The following PCDHA9 variants were observed in gnomAD, a reference collection of about 807,000 sequenced individuals.
PCDHA9 encodes the protein protocadherin alpha 9.
A neutral mutation model predicts 62.0 loss-of-function variants in PCDHA9; 62 were observed. The observed-to-expected ratio is 1.00, with a 90% CI of 0.81 to 1.23. The LOEUF (loss-of-function observed/expected upper bound fraction) is 1.23, where lower values mean the gene tolerates loss of function less well. Among genes scored for constraint, PCDHA9 ranks in the 50% most tolerant of loss-of-function variants. The pLI is 0.00. For synonymous variants in PCDHA9, 557 were observed against 567.6 expected (o/e 0.98, Z 0.27); for missense variants, 1,205 against 1,249.8 (o/e 0.96, Z 0.54).
At chr5:140,924,811 C>A (rs1209918868) in intron 1 of PCDHA9, among the ~76,000 whole-genome samples, 6 of 151,654 alleles carry the variant, frequency 4.0e-5, no homozygotes, top group Admixed American at 3.3e-4. Context: ...AAGAGAATCG[C>A]TTGAACCTGG....
chr5:140,998,275 A>G (rs1554256218), intron 3 of PCDHA9, among the ~76,000 whole-genome samples: 1 of 152,198 alleles, frequency 6.6e-6, no homozygotes, highest in African/African-American at 2.4e-5. Context: ...TGACACCCAT[A>G]GGATTAAATC....
At chr5:140,988,634 T>G (rs1405160822) in intron 3 of PCDHA9, among the ~76,000 whole-genome samples, 1 of 152,218 alleles carries the variant, frequency 6.6e-6, no homozygotes, top group Non-Finnish European at 1.5e-5. Flanking sequence ...GTCCTGGTTT[T>G]CTGAAATTAA....
At chr5:140,858,550 C>G (rs1554151768) in intron 1 of PCDHA9, 1 of 1,392,416 alleles carries the variant, frequency 7.2e-7, no homozygotes, top group Non-Finnish European at 9.9e-7. Context: ...TCCATTTATG[C>G]TTGAATATTT....
intron 1 of PCDHA9, chr5:140,860,419 T>G (rs1239021926): frequency 6.6e-6 from 1 of 152,112 alleles, no homozygotes; most frequent in African/African-American, 2.4e-5. Context: ...AACACCATTA[T>G]CCTGCAAATA....
At chr5:140,962,494 A>T (rs1016662619) in intron 1 of PCDHA9, among the ~76,000 whole-genome samples, 4 of 152,130 alleles carry the variant, frequency 2.6e-5, no homozygotes, top group Admixed American at 2.6e-4. Context: ...CAATTTTCAG[A>T]CACCTCAGCC....
At chr5:140,875,568 C>G in intron 1 of PCDHA9, 2 of 1,614,114 alleles carry the variant, frequency 1.2e-6, no homozygotes, top group Non-Finnish European at 1.7e-6. Context: ...GCCAGCTCCA[C>G]TACTCCGTCT....
intron 1 of PCDHA9, among the ~76,000 whole-genome samples, chr5:140,924,889 T>C (rs1554202242): frequency 8.9e-6 from 1 of 112,122 alleles, no homozygotes; most frequent in Non-Finnish European, 1.8e-5. Flanking sequence ...AGCAAGAACC[T>C]GTCTCAAAAA....
At chr5:141,003,609 G>A (rs2098131688) in intron 3 of PCDHA9, among the ~76,000 whole-genome samples, 1 of 151,970 alleles carries the variant, frequency 6.6e-6, no homozygotes, top group Non-Finnish European at 1.5e-5. Context: ...CACCATTCCC[G>A]GCCCCAGAGG....
intron 1 of PCDHA9, among the ~76,000 whole-genome samples, chr5:140,976,550 C>CATAA (rs782672542): frequency 1.5e-4 from 23 of 152,064 alleles, no homozygotes; most frequent in African/African-American, 4.6e-4. Flanking sequence ...GACCCTATCT[C>CATAA]ATAAATAAAT....
intron 1 of PCDHA9, chr5:140,871,565 G>A: frequency 3.4e-6 from 5 of 1,483,114 alleles, no homozygotes; most frequent in South Asian, 1.4e-5. Context: ...TTTTTTTCAC[G>A]GATTTTTTAA....
chr5:140,884,395 C>A, intron 1 of PCDHA9: 1 of 1,614,000 alleles, frequency 6.2e-7, no homozygotes, highest in Non-Finnish European at 8.5e-7. Flanking sequence ...CGGTGTCCAG[C>A]CTGTTGGTGC....
intron 1 of PCDHA9, chr5:140,869,239 G>A: frequency 6.2e-7 from 1 of 1,613,652 alleles, no homozygotes; most frequent in Non-Finnish European, 8.5e-7. Context: ...CACCTTCGTG[G>A]GCCGCATCGC....
intron 1 of PCDHA9, chr5:140,856,875 T>C (rs782182859): frequency 1.3e-6 from 2 of 1,595,778 alleles, no homozygotes; most frequent in Non-Finnish European, 1.7e-6. Flanking sequence ...AACAAGGAAA[T>C]GATGTATTCA....
At chr5:140,915,503 G>T (rs1420993234) in intron 1 of PCDHA9, among the ~76,000 whole-genome samples, 1 of 152,062 alleles carries the variant, frequency 6.6e-6, no homozygotes, top group Non-Finnish European at 1.5e-5. Flanking sequence ...TAATACTGTG[G>T]TTTTTGCAGA....
At chr5:140,873,477 G>T (rs1351179000) in intron 1 of PCDHA9, among the ~76,000 whole-genome samples, 1 of 151,984 alleles carries the variant, frequency 6.6e-6, no homozygotes, top group Non-Finnish European at 1.5e-5. Flanking sequence ...AAATTACTTG[G>T]ACTGATTTCT....
rs1554145013 is a variant in PCDHA9, at chr5:140,850,894, G to A, written c.2394+5G>A. The A allele has an allele frequency of 6.3e-7, 1 of 1,575,006 alleles. No individual in the cohort carries two copies. Among genetic ancestry groups the A allele is most frequent in the African/African-American group, 1.4e-5 (1 of 73,586 alleles). On this transcript the variant is annotated splice_donor_5th_base_variant and intron_variant, in intron 1 of 3. Coordinates refer to ENST00000532602, the MANE Select transcript of PCDHA9 (RefSeq NM_031857.2). ...TCCTCAGATTCAACTGGGAAGGTGG[G>A]TTTTTCTAGCATTTTATTTATTTAT...
intron 1 of PCDHA9, chr5:140,926,897 T>C: frequency 1.3e-6 from 2 of 1,548,696 alleles, no homozygotes; most frequent in Non-Finnish European, 1.7e-6. Context: ...GGGAGGATGG[T>C]GGGCTGTGGG....
At position 141,009,794 on chromosome 5, in the gene PCDHA9, A is replaced by G. The variant is rs1314860754; in HGVS notation, c.2710A>G (p.Thr904Ala). 1.2e-6 allele frequency: 2 copies of G among 1,614,042 alleles called. No homozygotes were observed. Among genetic ancestry groups the G allele is most frequent in the South Asian group, 1.1e-5 (1 of 91,076 alleles). Reference protein sequence around the residue: ...PAIISIRQEPTNSQIDKSDFI... With the variant: ...PAIISIRQEPANSQIDKSDFI... ...AATCATCTCCATCCGGCAGGAGCCTACTAACAGCCAAATTGACAAAAGTGA... is the reference window on the plus strand; with the variant it reads ...AATCATCTCCATCCGGCAGGAGCCTGCTAACAGCCAAATTGACAAAAGTGA... The change falls in exon 4 of 4, where the codon ACT (threonine) becomes GCT (alanine). Residue 904 changes from threonine (T) to alanine (A), a missense_variant. Physicochemically the swap from Thr to Ala is moderately conservative, Grantham distance 58. Coordinates refer to ENST00000532602, the MANE Select transcript of PCDHA9 (RefSeq NM_031857.2).
intron 3 of PCDHA9, among the ~76,000 whole-genome samples, chr5:140,997,279 A>G (rs1386656925): frequency 6.6e-6 from 1 of 152,166 alleles, no homozygotes; most frequent in Non-Finnish European, 1.5e-5. Flanking sequence ...TTCTTGCATC[A>G]CTTAACAATG....
Sources: gnomAD v4.1 joint callset for allele counts (sites outside exome capture counted in the v4.1 genomes callset) on GRCh38, gnomAD v4.1.1 for gene constraint, MANE v1.5 for transcripts, NCBI Gene and HGNC (gene_info 2026-07-23, HGNC 2026-07-21) for gene names.